The following REC114 variants were observed in gnomAD, a reference collection of about 807,000 sequenced individuals.
The protein encoded by REC114 is meiotic recombination protein REC114.
REC114 carries 27 observed loss-of-function variants against 31.3 expected under a neutral mutation model. The observed-to-expected ratio is 0.86, with a 90% CI of 0.64 to 1.19. The LOEUF is 1.19. Ranked by LOEUF, REC114 falls within the 50% of genes most tolerant of loss-of-function variation. REC114 has a pLI of 0.00. For missense variants in REC114, 344 were observed against 326.9 expected (o/e 1.05, Z -0.40); for synonymous variants, 134 against 127.7 (o/e 1.05, Z -0.33).
At chr15:73,482,129 C>G (rs1893303484) in intron 2 of REC114, among the ~76,000 whole-genome samples, 1 of 152,148 alleles carries the variant, frequency 6.6e-6, no homozygotes, top group Non-Finnish European at 1.5e-5. Flanking sequence ...AACCACCATT[C>G]TACTTTCAGT....
chr15:73,542,736 A>G (rs1894257113), intron 3 of REC114, among the ~76,000 whole-genome samples: 1 of 152,180 alleles, frequency 6.6e-6, no homozygotes, highest in South Asian at 2.1e-4. Flanking sequence ...GGATTGTAGT[A>G]CTTTGTATCC....
intron 2 of REC114, chr15:73,483,201 T>C: frequency 6.5e-6 from 1 of 152,996 alleles, no homozygotes; most frequent in South Asian, 1.9e-4. Flanking sequence ...ACAGTTTATT[T>C]TCTTTGAGTA....
At chr15:73,476,425 C>A (rs1893216016) in intron 2 of REC114, among the ~76,000 whole-genome samples, 1 of 152,168 alleles carries the variant, frequency 6.6e-6, no homozygotes, top group South Asian at 2.1e-4. Context: ...ACCTAGAAAC[C>A]ATTGATCTGC....
intron 1 of REC114, among the ~76,000 whole-genome samples, chr15:73,469,003 A>G (rs1893098918): frequency 6.6e-6 from 1 of 152,134 alleles, no homozygotes; most frequent in Non-Finnish European, 1.5e-5. Context: ...TCTTAAATCA[A>G]CCAGAACTTG....
Position 73,556,400 on chromosome 15 carries a change from T to C in REC114, c.636+9T>C. 6.2e-7 allele frequency: 1 copy of C among 1,606,448 alleles called. No individual in the cohort carries two copies. Among genetic ancestry groups the C allele is most frequent in the Non-Finnish European group, 8.5e-7 (1 of 1,175,888 alleles). On this transcript the variant is annotated intron_variant, in intron 5 of 5. Transcript: ENST00000331090. ...TGACGCAGTTAGCTCAGGTAGAGCT[T>C]ATTTCTGTGTTCAATTTTCTTGTCA... is the stretch of plus-strand genomic sequence containing the variant.
chr15:73,550,837 C>A lies in REC114; in HGVS notation c.334-101C>A. ...GAAGATGACTGTTCCCTTATCTATA[C>A]CTCTTCCTCCGCCAAGCAAAGGAAA... On this transcript the variant is annotated intron_variant, in intron 3 of 5. Coordinates refer to ENST00000331090, the MANE Select transcript of REC114 (RefSeq NM_001042367.2). The A allele has an allele frequency of 2.1e-5, 22 of 1,070,426 alleles. No individual in the cohort carries two copies. The South Asian group carries it at 2.6e-4, about 12-fold the overall frequency. 66.3% of individuals were successfully genotyped at this position (1,070,426 alleles called of 1,614,324 possible).
intron 2 of REC114, among the ~76,000 whole-genome samples, chr15:73,505,409 C>T (rs796307283): frequency 8.5e-5 from 13 of 152,174 alleles, no homozygotes; most frequent in African/African-American, 3.1e-4. Context: ...CCAATTGGCC[C>T]GTATGTAGAT....
At position 73,451,263 on chromosome 15, in the gene REC114, A is replaced by C. The variant is rs141750266; in HGVS notation, c.159+7919A>C. Among the ~76,000 whole-genome samples, 432 of 152,330 alleles carry C rather than the reference A, an allele frequency of 2.8e-3. 2 individuals carry two copies. The highest frequency in any genetic ancestry group is 0.027 in the Middle Eastern group (8 of 294). On this transcript the variant is annotated intron_variant, in intron 1 of 5. Transcript: ENST00000331090. ...ACTAATAAAAAAGCAAAAGGAGTAG[A>C]ATTAAATAGATGCAATAAAAAATGA...
intron 5 of REC114, among the ~76,000 whole-genome samples, chr15:73,559,284 T>C (rs1894531017): frequency 6.6e-6 from 1 of 152,174 alleles, no homozygotes; most frequent in East Asian, 1.9e-4. Context: ...TGAACTAATG[T>C]CCTTTGGGAG....
chr15:73,464,016 CA>C (rs1264564739), intron 1 of REC114, among the ~76,000 whole-genome samples: 5 of 152,252 alleles, frequency 3.3e-5, no homozygotes, highest in African/African-American at 1.2e-4. Flanking sequence ...CTTCTTTCTG[CA>C]GTTGTAGAAT....
Position 73,492,676 on chromosome 15 carries a change from C to T in REC114, c.249+18755C>T, listed in dbSNP as rs867011320. 5.3e-5 allele frequency among the ~76,000 whole-genome samples: 8 copies of T among 152,286 alleles called. No homozygotes were observed. The Middle Eastern group carries it at 0.017, about 324-fold the overall frequency. ...CCGATTATACTCATCTATGAACACA[C>T]TTTGAGGGACAAAGTCATAGAGTAT... is the stretch of plus-strand genomic sequence containing the variant. On this transcript the variant is annotated intron_variant, in intron 2 of 5. Transcript: ENST00000331090.
chr15:73,555,828 A>G (rs1566950997), intron 4 of REC114, among the ~76,000 whole-genome samples: 1 of 152,244 alleles, frequency 6.6e-6, no homozygotes, highest in Non-Finnish European at 1.5e-5. Flanking sequence ...AGTTGTCTTA[A>G]AATTATAGGA....
intron 5 of REC114, 95 bp from the exon 6 acceptor site, chr15:73,559,657 G>A (rs1044940340): frequency 9.3e-6 from 11 of 1,180,366 alleles, no homozygotes; most frequent in East Asian, 8.2e-5. Context: ...TGTGTATTTC[G>A]CTAATCTTTC....
intron 2 of REC114, among the ~76,000 whole-genome samples, chr15:73,485,417 A>G (rs961608030): frequency 6.6e-6 from 1 of 152,138 alleles, no homozygotes; most frequent in Non-Finnish European, 1.5e-5. Flanking sequence ...TTCTTTGGCC[A>G]CTGATATGGT....
intron 3 of REC114, among the ~76,000 whole-genome samples, chr15:73,548,858 A>G (rs1011829934): frequency 1.3e-5 from 2 of 152,228 alleles, no homozygotes; most frequent in Non-Finnish European, 2.9e-5. Context: ...GCAGCCATAA[A>G]AACATGAAAT....
intron 2 of REC114, among the ~76,000 whole-genome samples, chr15:73,514,102 G>A (rs561532201): frequency 3.3e-5 from 5 of 152,036 alleles, no homozygotes; most frequent in Non-Finnish European, 5.9e-5. Flanking sequence ...GCGAGACTCC[G>A]TGGGGTAGGA....
At chr15:73,514,362 G>A (rs1893827459) in intron 2 of REC114, among the ~76,000 whole-genome samples, 2 of 151,768 alleles carry the variant, frequency 1.3e-5, no homozygotes, top group African/African-American at 4.9e-5. Context: ...CTAGTGAGAT[G>A]AACCCGGTAC....
intron 5 of REC114, among the ~76,000 whole-genome samples, chr15:73,559,261 A>G (rs549507320): frequency 2.2e-4 from 33 of 152,340 alleles, no homozygotes; most frequent in African/African-American, 7.9e-4. Context: ...AGATGGCCAG[A>G]AAAAGATGCG....
At chr15:73,531,835 C>T (rs1894087062) in intron 2 of REC114, among the ~76,000 whole-genome samples, 2 of 152,146 alleles carry the variant, frequency 1.3e-5, no homozygotes, top group South Asian at 4.2e-4. Context: ...CATCCCTGTG[C>T]ATCACCTGAC....
Sources: gnomAD v4.1 joint callset for allele counts (sites outside exome capture counted in the v4.1 genomes callset) on GRCh38, gnomAD v4.1.1 for gene constraint, MANE v1.5 for transcripts, NCBI Gene and HGNC (gene_info 2026-07-23, HGNC 2026-07-21) for gene names.